The following TRARG1 variants were observed in gnomAD, a reference collection of about 807,000 sequenced individuals.
TRARG1 encodes the protein trafficking regulator of GLUT4 1.
In TRARG1, 16 loss-of-function variants were observed where a neutral mutation model predicts 13.3. The ratio of observed to expected loss-of-function variants is 1.20; its 90% CI spans 0.81 to 1.83. The LOEUF (loss-of-function observed/expected upper bound fraction) is 1.83, where lower values mean the gene tolerates loss of function less well. TRARG1 is among the 40% of genes most tolerant of loss of function. The pLI is 0.00. For missense variants in TRARG1, 250 were observed against 237.4 expected, an observed-to-expected ratio of 1.05 and a Z score of -0.35; for synonymous variants, 113 against 106.2, an observed-to-expected ratio of 1.06 and a Z score of -0.39.
intron 1 of TRARG1, among the ~76,000 whole-genome samples, chr17:1,294,342 T>A (rs1168689925): frequency 6.6e-6 from 1 of 152,218 alleles, no homozygotes; most frequent in African/African-American, 2.4e-5. Flanking sequence ...GCCACATGAC[T>A]CCACCCAGTC....
Position 1,295,617 on chromosome 17 carries a change from T to A in TRARG1, c.514T>A (p.Phe172Ile). 1 of 1,611,264 alleles carries A rather than the reference T, an allele frequency of 6.2e-7. No homozygotes were observed. Residue 172 changes from phenylalanine (F) to isoleucine (I), a missense_variant, in exon 2 of 3, where the codon TTC (phenylalanine) becomes ATC (isoleucine). Transcript: ENST00000333813. Reference protein sequence around the residue: ...VIIMVAVTVNFTVQKK With the variant: ...VIIMVAVTVNITVQKK ...TATCATGGTGGCCGTGACCGTCAACTTCACAGGTGAGACCCAGCTCCTTGG... is the reference window on the plus strand; with the variant it reads ...TATCATGGTGGCCGTGACCGTCAACATCACAGGTGAGACCCAGCTCCTTGG...
chr17:1,285,402 C>T (rs1181509244), intron 1 of TRARG1, among the ~76,000 whole-genome samples: 1 of 151,586 alleles, frequency 6.6e-6, no homozygotes, highest in African/African-American at 2.4e-5. Flanking sequence ...TAGAGCAAGA[C>T]TCCATCTCAA....
At chr17:1,282,285 C>CAATATGTACGTATATGTACATATGCGT in intron 1 of TRARG1, among the ~76,000 whole-genome samples, 1 of 136,910 alleles carries the variant, frequency 7.3e-6, no homozygotes, top group Non-Finnish European at 1.6e-5. Flanking sequence ...CGTATATGTA[C>CAATATGTACGTATATGTACATATGCGT]ATATATGTAC....
At chr17:1,285,503 A>G (rs1016110968) in intron 1 of TRARG1, among the ~76,000 whole-genome samples, 1 of 151,248 alleles carries the variant, frequency 6.6e-6, no homozygotes, top group Non-Finnish European at 1.5e-5. Context: ...TCAGGAGTTC[A>G]AGACCAGCCT....
chr17:1,291,684 A>ATGC (rs2072070360), intron 1 of TRARG1, among the ~76,000 whole-genome samples: 1 of 152,158 alleles, frequency 6.6e-6, no homozygotes, highest in Non-Finnish European at 1.5e-5. Flanking sequence ...AGCACGAGAT[A>ATGC]CACGTTCAAA....
At chr17:1,285,096 G>T (rs892632434) in intron 1 of TRARG1, among the ~76,000 whole-genome samples, 1 of 152,052 alleles carries the variant, frequency 6.6e-6, no homozygotes, top group Non-Finnish European at 1.5e-5. Flanking sequence ...ATGGGAGAGG[G>T]AGGCAGCAGG....
At chr17:1,293,083 C>T (rs1447213278) in intron 1 of TRARG1, among the ~76,000 whole-genome samples, 1 of 151,920 alleles carries the variant, frequency 6.6e-6, no homozygotes, top group Non-Finnish European at 1.5e-5. Context: ...GTCAGGAGAT[C>T]GAGACCAGCC....
chr17:1,295,759 T>A (rs984703531), intron 2 of TRARG1, 136 bp downstream of exon 2: 2 of 1,018,202 alleles, frequency 2.0e-6, no homozygotes, highest in Non-Finnish European at 2.8e-6. Flanking sequence ...GGCCTTATCC[T>A]CCCAGTCCAT....
intron 1 of TRARG1, among the ~76,000 whole-genome samples, chr17:1,293,873 G>A (rs998763125): frequency 1.1e-4 from 16 of 152,144 alleles, no homozygotes; most frequent in African/African-American, 3.4e-4. Context: ...GCACAGCTCT[G>A]ACACTCAGTT....
In TRARG1 at chr17:1,282,218, A is replaced by G. The variant is rs36184443; in HGVS notation, c.387+1830A>G. 9.4e-3 allele frequency among the ~76,000 whole-genome samples: 1,019 copies of G among 108,274 alleles called. 28 individuals are homozygous for G. The highest frequency in any genetic ancestry group is 0.014 in the Non-Finnish European group (684 of 50,564). The allele number at this position is 108,274 out of a possible 152,430, so 71.0% of individuals were successfully genotyped here. ...TGTACACGTGCGTATATGTACGTAT[A>G]CACGTGCGTATATGTACGTATATGC... On this transcript the variant is annotated intron_variant, in intron 1 of 2. Transcript: ENST00000333813.
chr17:1,280,489 G>T, intron 1 of TRARG1, 101 bp downstream of exon 1: 1 of 1,265,418 alleles, frequency 7.9e-7, no homozygotes, highest in South Asian at 1.5e-5. Context: ...GTGGAGAAGA[G>T]AGAGCTGGGA....
intron 1 of TRARG1, among the ~76,000 whole-genome samples, chr17:1,285,488 C>T (rs369765440): frequency 2.2e-4 from 32 of 147,560 alleles, no homozygotes; most frequent in African/African-American, 7.6e-4. Context: ...GGGTGGATCA[C>T]GAGGTCAGGA....
Position 1,279,986 on chromosome 17 carries a change from C to G in TRARG1, c.-16C>G, listed in dbSNP as rs535180479. ...GTCCCAGCCTGGAGCTGCAGCCGCGCAAGGCCCAGGCCCCCATGGCCCACC... is the reference window on the plus strand; with the variant it reads ...GTCCCAGCCTGGAGCTGCAGCCGCGGAAGGCCCAGGCCCCCATGGCCCACC... On this transcript the variant is annotated 5_prime_UTR_variant, in exon 1 of 3. Coordinates refer to ENST00000333813, the MANE Select transcript of TRARG1 (RefSeq NM_172367.3). 5 of 1,597,266 alleles carry G rather than the reference C, an allele frequency of 3.1e-6. No homozygotes were observed. The African/African-American group carries it at 4.0e-5, about 13-fold the overall frequency.
rs957449065 is a variant in TRARG1 at position 1,298,913 on chromosome 17, G to T, written c.*649G>T. 6.6e-6 allele frequency: 1 copy of T among 152,280 alleles called. No individual in the cohort carries two copies. The highest frequency in any genetic ancestry group is 2.4e-5 in the African/African-American group (1 of 41,448). The allele number at this position is 152,280 out of a possible 1,614,324, so 9.4% of individuals were successfully genotyped here. A position where few individuals can be genotyped will look rare whatever the true frequency, so the allele number is the denominator to read the frequency against. ...ACATCCTCCGCTGCAAGGTGGTGGC[G>T]CCGAGAGGCGTGTCTGTGAAGACAG... On this transcript the variant is annotated 3_prime_UTR_variant, in exon 3 of 3. Coordinates refer to ENST00000333813, the MANE Select transcript of TRARG1 (RefSeq NM_172367.3).
chr17:1,293,523 G>A (rs114390385), intron 1 of TRARG1, among the ~76,000 whole-genome samples: 6,720 of 145,668 alleles, frequency 0.046, 1,050 homozygotes, highest in African/African-American at 0.16. Context: ...TGATGTCGCA[G>A]GTTGGGTTTG....
At chr17:1,280,473 C>G in intron 1 of TRARG1, 85 bp downstream of exon 1, 1 of 1,367,374 alleles carries the variant, frequency 7.3e-7, no homozygotes, top group East Asian at 2.3e-5. Flanking sequence ...AAACACTGCC[C>G]AGGGTGTGGA....
chr17:1,279,966 A>G lies in TRARG1; in HGVS notation c.-36A>G, dbSNP rs1486262146. On this transcript the variant is annotated 5_prime_UTR_variant, in exon 1 of 3. Coordinates refer to ENST00000333813, the MANE Select transcript of TRARG1 (RefSeq NM_172367.3). ...AGGTCCCTCCAGAGCCCCTTGTCCCAGCCTGGAGCTGCAGCCGCGCAAGGC... is the reference window on the plus strand; with the variant it reads ...AGGTCCCTCCAGAGCCCCTTGTCCCGGCCTGGAGCTGCAGCCGCGCAAGGC... 4.4e-6 allele frequency: 7 copies of G among 1,578,042 alleles called. No individual in the cohort carries two copies. Among genetic ancestry groups the G allele is most frequent in the Admixed American group, 1.8e-5 (1 of 56,706 alleles).
At chr17:1,298,191 G>A in intron 2 of TRARG1, 60 bp from the exon 3 acceptor site, 2 of 1,609,684 alleles carry the variant, frequency 1.2e-6, no homozygotes, top group Non-Finnish European at 8.5e-7. Flanking sequence ...CTCCAGTCAG[G>A]GACTTGAAGA....
chr17:1,280,223 G>T lies in TRARG1; in HGVS notation c.222G>T (p.Leu74=). 1.2e-6 allele frequency: 2 copies of T among 1,614,066 alleles called. No homozygotes were observed. The highest frequency in any genetic ancestry group is 1.7e-6 in the Non-Finnish European group (2 of 1,179,984). The change falls in exon 1 of 3, where the codon CTG becomes CTT. Residue 74 remains leucine, a synonymous_variant. Transcript: ENST00000333813. ...CCGAGGGGCACCTGGAGGCCCCACT[G>T]CCTCGGTCCCCCTCCCGGGCCAGCT... ...AISEGHLEAP[L]PRSPSRASSR...
Sources: allele counts gnomAD v4.1 joint callset (sites outside exome capture counted in the v4.1 genomes callset), GRCh38; gene constraint gnomAD v4.1.1; transcripts MANE v1.5; gene names NCBI Gene and HGNC (gene_info 2026-07-23, HGNC 2026-07-21).